Variants in KLHL13 observed in about 807,000 individuals in gnomAD.
The protein encoded by KLHL13 is kelch-like protein 13.
Under a neutral mutation model 37.1 loss-of-function variants are expected in KLHL13, and 10 were observed. That is an observed-to-expected ratio of 0.27 (90% CI 0.17 to 0.46). KLHL13 has a LOEUF of 0.46. KLHL13 is among the 20% of genes least tolerant of loss of function. The pLI is 1.00. For synonymous variants in KLHL13, 163 were observed against 181.2 expected (o/e 0.90, Z 0.81); for missense variants, 360 against 509.3 (o/e 0.71, Z 2.82).
chrX:118,021,613 C>A (rs1353822166), intron 1 of KLHL13, among the ~76,000 whole-genome samples: 3 of 110,693 alleles, frequency 2.7e-5, no homozygotes, highest in African/African-American at 1.0e-4. Flanking sequence ...TGTATATGTG[C>A]CACATTTTCT....
At chrX:118,051,429 T>C (rs1017176612) in intron 1 of KLHL13, among the ~76,000 whole-genome samples, 1 of 108,921 alleles carries the variant, frequency 9.2e-6, no homozygotes, top group African/African-American at 3.3e-5. Context: ...TAGTCCCAGC[T>C]ACTCAGGAGG....
chrX:118,020,487 A>G (rs1278098103), intron 1 of KLHL13, among the ~76,000 whole-genome samples: 35 of 111,022 alleles, frequency 3.2e-4, no homozygotes, highest in African/African-American at 1.0e-3. Flanking sequence ...AAAAGTCAGG[A>G]AACAACAGGT....
At chrX:117,999,814 C>T (rs1391279951) in intron 1 of KLHL13, among the ~76,000 whole-genome samples, 1 of 111,339 alleles carries the variant, frequency 9.0e-6, no homozygotes, top group Non-Finnish European at 1.9e-5. Flanking sequence ...AAATAAATAA[C>T]TGGCACATAG....
intron 5 of KLHL13, among the ~76,000 whole-genome samples, 154 bp downstream of exon 6, chrX:117,909,147 T>C (rs771362866): frequency 5.3e-5 from 6 of 112,182 alleles, no homozygotes; most frequent in African/African-American, 1.9e-4. Context: ...AGATAAGGCA[T>C]AAAGATGGTC....
rs746604124 is a variant in KLHL13, at chrX:117,907,559, T to C, written c.1366+1742A>G. On this transcript the variant is annotated intron_variant, in intron 5 of 6. Coordinates refer to ENST00000262820, the Ensembl canonical transcript of KLHL13. ...AAACAACCAAGTCACTACTTGCACC[T>C]TCTAGATATTTCCAGATACCGCAAA... Among the ~76,000 whole-genome samples, 5 of 111,655 alleles carry C rather than the reference T, an allele frequency of 4.5e-5. No homozygotes were observed. In the South Asian group the frequency reaches 1.9e-3, roughly 42 times the overall value.
chrX:118,084,752 C>T lies in KLHL13; in HGVS notation c.-56+31756G>A, dbSNP rs6645444. On this transcript the variant is annotated intron_variant, in intron 1 of 6. Coordinates refer to the KLHL13 transcript ENST00000371882. ...ATTAAAAATAAGGTAATAGGCCAGG[C>T]ATGGTGGCTCACACCTGTAATCCCA... is the stretch of plus-strand genomic sequence containing the variant. Among the ~76,000 whole-genome samples, 770 of 111,572 alleles carry T rather than the reference C, an allele frequency of 6.9e-3. 8 individuals carry two copies. The highest frequency in any genetic ancestry group is 0.022 in the African/African-American group (664 of 30,688).
At chrX:117,932,107 T>A (rs979864499) in intron 2 of KLHL13, among the ~76,000 whole-genome samples, 2 of 111,597 alleles carry the variant, frequency 1.8e-5, no homozygotes, top group African/African-American at 6.5e-5. Context: ...AATGCATGTA[T>A]ACATAGTATA....
intron 1 of KLHL13, chrX:117,983,435 GAA>G (rs368634632): frequency 3.7e-3 from 2,485 of 679,484 alleles, no homozygotes; most frequent in African/African-American, 5.2e-3. Context: ...AATTCGCACT[GAA>G]AAAAAAAAAA....
intron 1 of KLHL13, among the ~76,000 whole-genome samples, chrX:118,061,265 T>C (rs1338745188): frequency 1.8e-5 from 2 of 111,619 alleles, no homozygotes; most frequent in African/African-American, 3.2e-5. Flanking sequence ...TGGAAATGTG[T>C]TGGGGTACTT....
chrX:117,954,872 C>G (rs1385065499), intron 1 of KLHL13, among the ~76,000 whole-genome samples: 3 of 112,019 alleles, frequency 2.7e-5, no homozygotes, highest in Non-Finnish European at 5.6e-5. Flanking sequence ...CCTTCTCTTT[C>G]TTTAATCCAA....
At chrX:118,027,646 CAT>C (rs1403536130) in intron 1 of KLHL13, among the ~76,000 whole-genome samples, 1 of 101,971 alleles carries the variant, frequency 9.8e-6, no homozygotes, top group Non-Finnish European at 1.9e-5. Flanking sequence ...TCTCTCCACA[CAT>C]ACACACACAC....
chrX:118,096,356 A>C (rs988935940), intron 1 of KLHL13, among the ~76,000 whole-genome samples: 2 of 111,730 alleles, frequency 1.8e-5, no homozygotes, highest in Admixed American at 9.6e-5. Context: ...CTCGACACAT[A>C]CACCCTCCCA....
At chrX:118,099,417 T>G (rs768724381) in intron 1 of KLHL13, among the ~76,000 whole-genome samples, 1 of 111,889 alleles carries the variant, frequency 8.9e-6, no homozygotes, top group South Asian at 3.7e-4. Flanking sequence ...AGTATTAATA[T>G]GTGTCTGAAG....
chrX:118,069,109 TCACACACACACACACA>T (rs771534683), intron 1 of KLHL13, among the ~76,000 whole-genome samples: 3 of 84,003 alleles, frequency 3.6e-5, no homozygotes, highest in African/African-American at 4.8e-5. Flanking sequence ...TCCAGAAGAG[TCACACACACACACACA>T]CACACACACA....
At position 117,963,547 on chromosome X, in the gene KLHL13, T is replaced by G. The variant is rs181755692; in HGVS notation, c.98+9184A>C. On this transcript the variant is annotated intron_variant, in intron 1 of 6. Coordinates refer to ENST00000262820, the Ensembl canonical transcript of KLHL13. ...AAACATACGTGTGCATGTGTCTTTA[T>G]AGCAGCATGATTTATAGTCCTTTGG... is the stretch of plus-strand genomic sequence containing the variant. 1.4e-3 allele frequency among the ~76,000 whole-genome samples: 152 copies of G among 108,326 alleles called. 2 individuals are homozygous for G. The highest frequency in any genetic ancestry group is 5.0e-3 in the African/African-American group (147 of 29,653). The allele number at this position is 108,326 out of a possible 115,157, so 94.1% of individuals were successfully genotyped here.
intron 1 of KLHL13, among the ~76,000 whole-genome samples, chrX:118,053,507 G>C (rs2054640708): frequency 9.0e-6 from 1 of 110,534 alleles, no homozygotes; most frequent in South Asian, 3.9e-4. Flanking sequence ...GGGCGAGGTG[G>C]GAGGGATAGC....
At chrX:118,072,276 T>G (rs1452160140) in intron 1 of KLHL13, among the ~76,000 whole-genome samples, 1 of 112,429 alleles carries the variant, frequency 8.9e-6, no homozygotes, top group East Asian at 2.8e-4. Flanking sequence ...TGGCTAGCCA[T>G]ATGTAGAAAG....
chrX:118,110,371 C>CTTTTTTTTTTTTT (rs1479012364), intron 1 of KLHL13, among the ~76,000 whole-genome samples: 1 of 98,314 alleles, frequency 1.0e-5, no homozygotes, highest in African/African-American at 3.9e-5. Context: ...TTTTCTATTT[C>CTTTTTTTTTTTTT]TTTTTCTTTT....
chrX:117,975,320 C>A (rs148457789), upstream of KLHL13, among the ~76,000 whole-genome samples: 457 of 111,982 alleles, frequency 4.1e-3, 3 homozygotes, highest in African/African-American at 0.013. Context: ...CATAAAGCAG[C>A]TATATATTAT....
Sources: allele counts gnomAD v4.1 joint callset (sites outside exome capture counted in the v4.1 genomes callset), GRCh38; gene constraint gnomAD v4.1.1; transcripts MANE v1.5; gene names NCBI Gene and HGNC (gene_info 2026-07-23, HGNC 2026-07-21).